HACE1: variants seen among roughly 807,000 people sequenced by gnomAD.
The protein encoded by HACE1 is E3 ubiquitin-protein ligase HACE1.
HACE1 carries 73 observed loss-of-function variants against 118.4 expected under a neutral mutation model. That is an observed-to-expected ratio of 0.62 (90% CI 0.51 to 0.75). The LOEUF (loss-of-function observed/expected upper bound fraction) is 0.75. HACE1 is among the 30% of genes least tolerant of loss of function. HACE1 has a pLI of 0.00. For synonymous variants in HACE1, 368 were observed against 374.8 expected (o/e 0.98, Z 0.21); for missense variants, 749 against 1,102.2 (o/e 0.68, Z 4.54).
intron 19 of HACE1, among the ~76,000 whole-genome samples, chr6:104,767,285 G>A (rs1780117474): frequency 6.6e-6 from 1 of 152,168 alleles, no homozygotes. Context: ...CACAACAGTG[G>A]CAGTTATCCT....
chr6:104,777,679 T>C (rs1454827953), intron 14 of HACE1, among the ~76,000 whole-genome samples: 1 of 152,216 alleles, frequency 6.6e-6, no homozygotes, highest in Non-Finnish European at 1.5e-5. Flanking sequence ...CCAGAAAAAT[T>C]ACGTTGCGTG....
rs944271154 is a variant in HACE1, at chr6:104,772,205, A to G, written c.1865-131T>C. On this transcript the variant is annotated intron_variant, in intron 17 of 23. Transcript: ENST00000262903. ...GGTTACATTATGTATAAACTTCCAG[A>G]GAAATGTTCTTTGTGGAAAATATAA... 3 of 589,560 alleles carry G rather than the reference A, an allele frequency of 5.1e-6. No homozygotes were observed. In the African/African-American group the frequency reaches 5.7e-5, roughly 11 times the overall value. 36.5% of individuals were successfully genotyped at this position (589,560 alleles called of 1,614,324 possible).
At chr6:104,770,167 A>C (rs779880535) in intron 19 of HACE1, among the ~76,000 whole-genome samples, 1 of 152,162 alleles carries the variant, frequency 6.6e-6, no homozygotes, top group Admixed American at 6.5e-5. Flanking sequence ...AGTTAAATTG[A>C]TTCTGAAGAT....
intron 20 of HACE1, among the ~76,000 whole-genome samples, chr6:104,749,819 C>A (rs1398925100): frequency 6.6e-6 from 1 of 151,900 alleles, no homozygotes; most frequent in Non-Finnish European, 1.5e-5. Context: ...AGTAGCAAAA[C>A]CAAACATTCA....
intron 2 of HACE1, among the ~76,000 whole-genome samples, chr6:104,851,687 G>C (rs769548644): frequency 2.0e-5 from 3 of 150,914 alleles, no homozygotes; most frequent in Non-Finnish European, 4.4e-5. Context: ...AAGAAAATCA[G>C]ACAAAAAACA....
chr6:104,757,268 G>C (rs1288712980), intron 19 of HACE1, among the ~76,000 whole-genome samples: 1 of 152,206 alleles, frequency 6.6e-6, no homozygotes, highest in African/African-American at 2.4e-5. Flanking sequence ...TCCTCAAGTG[G>C]GTCCCTGACT....
chr6:104,736,203 C>T (rs1775808517), intron 22 of HACE1, among the ~76,000 whole-genome samples: 1 of 150,960 alleles, frequency 6.6e-6, no homozygotes, highest in Non-Finnish European at 1.5e-5. Context: ...AGGCAAAAAA[C>T]AAAAACAAAA....
intron 7 of HACE1, among the ~76,000 whole-genome samples, chr6:104,798,544 T>A (rs1055383797): frequency 2.6e-5 from 4 of 152,204 alleles, no homozygotes; most frequent in Non-Finnish European, 5.9e-5. Flanking sequence ...GAATAATATC[T>A]AATTTATTCT....
chr6:104,734,396 T>C (rs752477147), intron 22 of HACE1, among the ~76,000 whole-genome samples: 15 of 151,972 alleles, frequency 9.9e-5, no homozygotes, highest in African/African-American at 1.9e-4. Flanking sequence ...TAATACAGAA[T>C]ACAGAATACA....
chr6:104,852,984 A>G (rs1562517002), intron 1 of HACE1, among the ~76,000 whole-genome samples: 1 of 152,130 alleles, frequency 6.6e-6, no homozygotes, highest in Admixed American at 6.6e-5. Flanking sequence ...ATTTTTATTC[A>G]TATGTGCTAT....
chr6:104,772,940 T>C (rs772476906), intron 17 of HACE1, among the ~76,000 whole-genome samples: 1 of 152,106 alleles, frequency 6.6e-6, no homozygotes, highest in East Asian at 1.9e-4. Context: ...TGGCCGATGG[T>C]TGCACAACAC....
At chr6:104,834,079 G>A (rs964965245) in intron 5 of HACE1, among the ~76,000 whole-genome samples, 9 of 151,968 alleles carry the variant, frequency 5.9e-5, no homozygotes, top group African/African-American at 2.2e-4. Context: ...AGGAGTTTGA[G>A]GCTATAATGA....
intron 6 of HACE1, among the ~76,000 whole-genome samples, chr6:104,819,115 T>C (rs528068359): frequency 6.6e-6 from 1 of 152,306 alleles, no homozygotes; most frequent in Non-Finnish European, 1.5e-5. Flanking sequence ...TGTTTGCAGA[T>C]GACATAACAC....
chr6:104,851,377 C>T (rs1181960384), intron 2 of HACE1, among the ~76,000 whole-genome samples: 2 of 152,324 alleles, frequency 1.3e-5, no homozygotes, highest in South Asian at 2.1e-4. Flanking sequence ...CCACCCCACC[C>T]GGCCTAGCTA....
At chr6:104,811,959 A>C (rs1771670431) in intron 6 of HACE1, among the ~76,000 whole-genome samples, 1 of 152,146 alleles carries the variant, frequency 6.6e-6, no homozygotes, top group South Asian at 2.1e-4. Context: ...ACAGTAGCAT[A>C]TACAGGCTCA....
At chr6:104,785,543 T>A (rs550705928) in intron 11 of HACE1, 2 of 511,022 alleles carry the variant, frequency 3.9e-6, no homozygotes, top group Non-Finnish European at 7.0e-6. Context: ...TTAATTTGTA[T>A]GTATGTATTC....
intron 12 of HACE1, 105 bp from the exon 13 acceptor site, chr6:104,784,590 A>AC: frequency 1.3e-6 from 1 of 745,370 alleles, no homozygotes; most frequent in Non-Finnish European, 2.2e-6. Flanking sequence ...TAAACCAAAA[A>AC]AAAAAGAATT....
chr6:104,857,674 G>T (rs1223762478), intron 1 of HACE1, among the ~76,000 whole-genome samples: 1 of 151,884 alleles, frequency 6.6e-6, no homozygotes, highest in Non-Finnish European at 1.5e-5. Context: ...AAACATTTGG[G>T]GCGGGGCACG....
intron 22 of HACE1, among the ~76,000 whole-genome samples, chr6:104,734,039 C>T (rs1220852390): frequency 1.3e-5 from 2 of 149,548 alleles, no homozygotes; most frequent in Admixed American, 6.7e-5. Flanking sequence ...GTAATCCCAG[C>T]GACTCGGGAG....
Sources: allele counts gnomAD v4.1 joint callset (sites outside exome capture counted in the v4.1 genomes callset), GRCh38; gene constraint gnomAD v4.1.1; transcripts MANE v1.5; gene names NCBI Gene and HGNC (gene_info 2026-07-23, HGNC 2026-07-21).